The following CWC27 variants were observed in gnomAD, a reference collection of about 807,000 sequenced individuals.
The protein encoded by CWC27 is spliceosome-associated protein CWC27 homolog.
CWC27 carries 47 observed loss-of-function variants against 63.6 expected under a neutral mutation model. The observed-to-expected ratio is 0.74, with a 90% CI of 0.58 to 0.94. The LOEUF (loss-of-function observed/expected upper bound fraction) is 0.94. CWC27 is among the 40% of genes least tolerant of loss of function. The pLI is 0.00. For missense variants in CWC27, 495 were observed against 554.3 expected (o/e 0.89, Z 1.07); for synonymous variants, 175 against 179.8 (o/e 0.97, Z 0.22).
intron 11 of CWC27, among the ~76,000 whole-genome samples, chr5:64,944,076 A>G (rs1748541682): frequency 6.6e-6 from 1 of 151,910 alleles, no homozygotes; most frequent in Non-Finnish European, 1.5e-5. Flanking sequence ...ACTTGCGGAC[A>G]TTACTCCAAC....
intron 7 of CWC27, among the ~76,000 whole-genome samples, chr5:64,798,481 C>T (rs926158131): frequency 6.6e-6 from 1 of 152,252 alleles, no homozygotes; most frequent in Non-Finnish European, 1.5e-5. Context: ...GCTTTTTCAT[C>T]ACTCCTTAGT....
chr5:64,821,234 G>A (rs1395668842), intron 10 of CWC27, among the ~76,000 whole-genome samples: 1 of 151,986 alleles, frequency 6.6e-6, no homozygotes, highest in Non-Finnish European at 1.5e-5. Flanking sequence ...ACAGGCACGT[G>A]CCACCACACC....
intron 10 of CWC27, among the ~76,000 whole-genome samples, chr5:64,854,601 A>T (rs1042908576): frequency 6.6e-6 from 1 of 152,244 alleles, no homozygotes; most frequent in Non-Finnish European, 1.5e-5. Flanking sequence ...TTTGGTTTTC[A>T]TAATGTTTGC....
At chr5:64,981,785 G>T (rs186323714) in intron 13 of CWC27, among the ~76,000 whole-genome samples, 1 of 152,308 alleles carries the variant, frequency 6.6e-6, no homozygotes, top group East Asian at 1.9e-4. Flanking sequence ...TAAAAACAGT[G>T]TGGTTTGCTT....
intron 10 of CWC27, among the ~76,000 whole-genome samples, chr5:64,880,461 G>A (rs1289837277): frequency 6.6e-6 from 1 of 151,782 alleles, no homozygotes; most frequent in Non-Finnish European, 1.5e-5. Context: ...GATTATTGAG[G>A]GATAGAGGAG....
chr5:64,804,384 C>T lies in CWC27; in HGVS notation c.936C>T (p.Arg312=), dbSNP rs34570664. The stretch of plus-strand genomic sequence containing the variant: ...AAGTGGAGAAGAAATCAGTCAGCCG[C>T]AGGTGAGTCAGTTACTGTGCTAGAT... The part of the protein sequence containing the change: ...EGEVEKKSVS[R]SEELRKEARQ... Residue 312 remains arginine, a splice_region_variant and synonymous_variant, in exon 10 of 14, where the codon CGC becomes CGT. Coordinates refer to ENST00000381070, the MANE Select transcript of CWC27 (RefSeq NM_005869.4). 15 of 1,609,496 alleles carry T rather than the reference C, an allele frequency of 9.3e-6. No homozygotes were observed. The Admixed American group carries it at 1.9e-4, about 20-fold the overall frequency.
intron 10 of CWC27, among the ~76,000 whole-genome samples, chr5:64,878,035 T>G (rs1019819316): frequency 6.6e-6 from 1 of 151,970 alleles, no homozygotes; most frequent in Non-Finnish European, 1.5e-5. Context: ...GTGGTATAAC[T>G]TTTTACACTT....
chr5:64,792,730 T>TA (rs1744126927), intron 7 of CWC27, among the ~76,000 whole-genome samples: 1 of 152,132 alleles, frequency 6.6e-6, no homozygotes, highest in Admixed American at 6.6e-5. Context: ...TTGTTGTACA[T>TA]AGAGTCTGTG....
intron 10 of CWC27, among the ~76,000 whole-genome samples, chr5:64,841,534 A>G (rs1745836144): frequency 2.6e-5 from 4 of 152,162 alleles, no homozygotes; most frequent in Admixed American, 2.6e-4. Context: ...AGTCATCCTG[A>G]AGTCTTATTT....
intron 11 of CWC27, among the ~76,000 whole-genome samples, chr5:64,944,073 G>A (rs1748541577): frequency 6.6e-6 from 1 of 151,796 alleles, no homozygotes; most frequent in Non-Finnish European, 1.5e-5. Context: ...CCTACTTGCG[G>A]ACATTACTCC....
chr5:64,806,303 C>T (rs983745588), intron 10 of CWC27, among the ~76,000 whole-genome samples: 6 of 152,094 alleles, frequency 3.9e-5, no homozygotes, highest in East Asian at 1.9e-4. Context: ...TTAAAAAGTA[C>T]GTTAAATACT....
chr5:64,902,797 T>C (rs1276246045), intron 11 of CWC27, among the ~76,000 whole-genome samples: 1 of 152,198 alleles, frequency 6.6e-6, no homozygotes, highest in Non-Finnish European at 1.5e-5. Context: ...AATATATAAA[T>C]CAATTTGAAG....
In CWC27 at chr5:64,880,853, C is replaced by CTTTTT. The variant is rs571051416; in HGVS notation, c.939-4590_939-4589insTTTTT. On this transcript the variant is annotated intron_variant, in intron 10 of 13. Transcript: ENST00000381070. ...AGAGTTAGTAACAGTTTATAAAAGC[C>CTTTTT]ATTTTTTTTTTTTTTTTTTTTACCA... 1.8e-4 allele frequency among the ~76,000 whole-genome samples: 25 copies of CTTTTT among 136,074 alleles called. 1 individual carries two copies. The highest frequency in any genetic ancestry group is 9.4e-4 in the South Asian group (4 of 4,260). 89.3% of individuals were successfully genotyped at this position (136,074 alleles called of 152,430 possible).
chr5:64,928,209 G>T (rs1390327120), intron 11 of CWC27, among the ~76,000 whole-genome samples: 4 of 150,100 alleles, frequency 2.7e-5, no homozygotes, highest in African/African-American at 7.3e-5. Flanking sequence ...TCCTCAGTCT[G>T]CATATTCCCT....
chr5:64,839,237 T>C (rs187140822), intron 10 of CWC27, among the ~76,000 whole-genome samples: 2 of 152,320 alleles, frequency 1.3e-5, no homozygotes, highest in East Asian at 3.9e-4. Context: ...CTTAAAATAT[T>C]TGTTGAGAAG....
At position 64,889,053 on chromosome 5, in the gene CWC27, A is replaced by G. The variant is rs6885963; in HGVS notation, c.1042+3507A>G. Among the ~76,000 whole-genome samples the G allele has an allele frequency of 9.1e-3, 1,388 of 152,248 alleles. 17 individuals carry two copies. Among genetic ancestry groups the G allele is most frequent in the African/African-American group, 0.032 (1,332 of 41,540 alleles). ...ATCATAATTCAATTAGAAAACATCAAACTCAAATTGAGAGACATTCTACAA... is the reference window on the plus strand; with the variant it reads ...ATCATAATTCAATTAGAAAACATCAGACTCAAATTGAGAGACATTCTACAA... On this transcript the variant is annotated intron_variant, in intron 11 of 13. Coordinates refer to ENST00000381070, the MANE Select transcript of CWC27 (RefSeq NM_005869.4).
intron 7 of CWC27, among the ~76,000 whole-genome samples, chr5:64,796,865 CTCCT>C (rs1744296173): frequency 7.5e-6 from 1 of 133,386 alleles, no homozygotes; most frequent in Non-Finnish European, 1.6e-5. Flanking sequence ...CCCTTCTTTC[CTCCT>C]TCCTTCCTTC....
At chr5:64,905,015 A>G (rs1474553707) in intron 11 of CWC27, among the ~76,000 whole-genome samples, 1 of 152,100 alleles carries the variant, frequency 6.6e-6, no homozygotes, top group Non-Finnish European at 1.5e-5. Context: ...AGCCTGGCCA[A>G]CATGGTGAAA....
chr5:64,831,069 T>C (rs1745503585), intron 10 of CWC27, among the ~76,000 whole-genome samples: 1 of 152,086 alleles, frequency 6.6e-6, no homozygotes, highest in African/African-American at 2.4e-5. Context: ...ACAAATATGG[T>C]TTATTTTTGA....
Sources: gnomAD v4.1 joint callset for allele counts (sites outside exome capture counted in the v4.1 genomes callset) on GRCh38, gnomAD v4.1.1 for gene constraint, MANE v1.5 for transcripts, NCBI Gene and HGNC (gene_info 2026-07-23, HGNC 2026-07-21) for gene names.